The following ACOXL variants were observed in gnomAD, a reference collection of about 807,000 sequenced individuals.
The protein encoded by ACOXL is acyl-CoA oxidase like, also known as acyl-coenzyme A oxidase-like protein.
Under a neutral mutation model 71.9 loss-of-function variants are expected in ACOXL, and 70 were observed. That is an observed-to-expected ratio of 0.97 (90% CI 0.80 to 1.19). ACOXL has a LOEUF of 1.19. Among genes scored for constraint, ACOXL ranks in the 50% most tolerant of loss-of-function variants. The pLI is 0.00. For missense variants in ACOXL, 703 were observed against 736.3 expected, an observed-to-expected ratio of 0.95 and a Z score of 0.52; for synonymous variants, 253 against 281.6, an observed-to-expected ratio of 0.90 and a Z score of 1.02.
At chr2:111,049,866 G>GTA (rs759984654) in intron 16 of ACOXL, among the ~76,000 whole-genome samples, 16 of 147,756 alleles carry the variant, frequency 1.1e-4, no homozygotes, top group Non-Finnish European at 2.2e-4. Flanking sequence ...TTTCCAAATG[G>GTA]TATAACCTGC....
At chr2:110,743,779 G>T (rs1364271151) in intron 1 of ACOXL, among the ~76,000 whole-genome samples, 1 of 152,174 alleles carries the variant, frequency 6.6e-6, no homozygotes, top group Non-Finnish European at 1.5e-5. Context: ...CCCTTGTGGT[G>T]CCTTCCGGAG....
At chr2:110,774,164 C>T (rs917962773) in intron 2 of ACOXL, among the ~76,000 whole-genome samples, 5 of 152,118 alleles carry the variant, frequency 3.3e-5, no homozygotes, top group South Asian at 4.2e-4. Flanking sequence ...TGAGGTGATT[C>T]GTTCATTTTA....
At chr2:111,049,795 C>T (rs924846240) in intron 16 of ACOXL, among the ~76,000 whole-genome samples, 2 of 151,212 alleles carry the variant, frequency 1.3e-5, no homozygotes, top group African/African-American at 2.4e-5. Flanking sequence ...CTTCTTCCCC[C>T]CAACCCCCCG....
At position 110,882,302 on chromosome 2, in the gene ACOXL, T is replaced by TA. The variant is rs559883096; in HGVS notation, c.789-26479dup. Reference sequence around the variant, plus strand: ...TTATCTGTTCAAATCTTTCACCATTTAAAAAAAATTGGCTTTGTTTCATAT... The same window carrying TA: ...TTATCTGTTCAAATCTTTCACCATTTAAAAAAAAATTGGCTTTGTTTCATAT... On this transcript the variant is annotated intron_variant, in intron 10 of 17. Transcript: ENST00000439055. Among the ~76,000 whole-genome samples, 1,029 of 152,188 alleles carry TA rather than the reference T, an allele frequency of 6.8e-3. 13 individuals are homozygous for TA. The highest frequency in any genetic ancestry group is 0.023 in the African/African-American group (941 of 41,520).
intron 14 of ACOXL, among the ~76,000 whole-genome samples, chr2:111,009,465 G>T (rs1332920751): frequency 6.7e-6 from 1 of 148,298 alleles, no homozygotes; most frequent in East Asian, 2.0e-4. Context: ...AGTGAGCCAA[G>T]ATCACGCCAC....
Position 110,962,823 on chromosome 2 carries a change from G to A in ACOXL, c.1060-24285G>A, listed in dbSNP as rs1048923706. Among the ~76,000 whole-genome samples the A allele has an allele frequency of 3.9e-5, 6 of 152,350 alleles. No individual in the cohort carries two copies. The East Asian group carries it at 7.7e-4, about 20-fold the overall frequency. ...AAGTAACAGGACAGTCAGCTCTGAC[G>A]TGACTGACACAGGCAGAAGTGATTT... On this transcript the variant is annotated intron_variant, in intron 12 of 17. Coordinates refer to ENST00000439055, the MANE Select transcript of ACOXL (RefSeq NM_001142807.4).
chr2:110,874,628 G>C lies in ACOXL; in HGVS notation c.788+33223G>C, dbSNP rs79071894. Among the ~76,000 whole-genome samples, 54 of 152,238 alleles carry C rather than the reference G, an allele frequency of 3.5e-4. No individual in the cohort carries two copies. In the East Asian group the frequency reaches 5.4e-3, roughly 15 times the overall value. ...CTCCTTCAGCACAGGGGAGGGGAGT[G>C]GTTGCTAAAATAGTAATAATGGTGC... On this transcript the variant is annotated intron_variant, in intron 10 of 17. Transcript: ENST00000439055.
Position 110,801,715 on chromosome 2 carries a change from T to G in ACOXL, c.611T>G (p.Leu204Arg). Residue 204 changes from leucine (L) to arginine (R), a missense_variant, in exon 8 of 18, where the codon CTG (leucine) becomes CGG (arginine). Coordinates refer to ENST00000439055, the MANE Select transcript of ACOXL (RefSeq NM_001142807.4). ...FDKVRIPREN[L>R]LDKFGSVAPD... is the part of the protein sequence containing the mutation. Reference sequence around the variant, plus strand: ...AAGGTTCGGATACCCAGGGAGAACCTGCTGGATAAGTGAGTAGTTTCTCCT... The same window carrying G: ...AAGGTTCGGATACCCAGGGAGAACCGGCTGGATAAGTGAGTAGTTTCTCCT... 6.2e-7 allele frequency: 1 copy of G among 1,613,986 alleles called. No individual in the cohort carries two copies. Among genetic ancestry groups the G allele is most frequent in the Non-Finnish European group, 8.5e-7 (1 of 1,179,842 alleles).
intron 12 of ACOXL, among the ~76,000 whole-genome samples, chr2:110,985,900 G>T (rs947906201): frequency 6.6e-6 from 1 of 152,134 alleles, no homozygotes; most frequent in African/African-American, 2.4e-5. Flanking sequence ...AGCTTCCCCA[G>T]GCAAAAATGC....
At chr2:110,995,870 TG>T in intron 13 of ACOXL, 22 bp from the exon 14 acceptor site, 1 of 1,577,758 alleles carries the variant, frequency 6.3e-7, no homozygotes, top group Non-Finnish European at 8.7e-7. Flanking sequence ...ATAATAATGA[TG>T]GTCACCGTGA....
chr2:111,117,632 A>C lies in ACOXL; in HGVS notation c.1559A>C (p.Asp520Ala). 2 of 1,551,526 alleles carry C rather than the reference A, an allele frequency of 1.3e-6. No individual in the cohort carries two copies. The highest frequency in any genetic ancestry group is 2.4e-5 in the South Asian group (2 of 84,046). Residue 520 changes from aspartate to alanine, a missense_variant, in exon 18 of 18, where the codon GAC (aspartate) becomes GCC (alanine). By Grantham distance (126) the Asp-to-Ala change is moderately radical. Coordinates refer to ENST00000439055, the MANE Select transcript of ACOXL (RefSeq NM_001142807.4). ...GTTTTGCAGTTGCTGGATTTGTGCG[A>C]CTCGGTGAAGGATGATGCCCGGAGG... ...RIRNQLLDLC[D>A]SVKDDARRVI...
chr2:110,976,663 G>A (rs1005418945), intron 12 of ACOXL, among the ~76,000 whole-genome samples: 4 of 152,166 alleles, frequency 2.6e-5, no homozygotes, highest in African/African-American at 9.7e-5. Context: ...TGGTAGTGAC[G>A]TGACAAGCCC....
At chr2:111,116,111 T>C (rs533303273) in intron 17 of ACOXL, among the ~76,000 whole-genome samples, 184 of 152,242 alleles carry the variant, frequency 1.2e-3, no homozygotes, top group African/African-American at 3.6e-3. Context: ...CATATGACAA[T>C]ATGTGGAAAG....
intron 11 of ACOXL, among the ~76,000 whole-genome samples, chr2:110,932,177 C>G (rs952920096): frequency 2.4e-4 from 37 of 152,318 alleles, no homozygotes; most frequent in African/African-American, 8.2e-4. Flanking sequence ...CAAGACAACA[C>G]ACACTCTGCA....
chr2:110,737,364 G>A (rs1046457510), intron 1 of ACOXL, among the ~76,000 whole-genome samples: 1 of 152,150 alleles, frequency 6.6e-6, no homozygotes, highest in Non-Finnish European at 1.5e-5. Flanking sequence ...TATAGAAAAC[G>A]AATGTTTCTC....
At chr2:110,814,038 G>A (rs1687643934) in intron 9 of ACOXL, among the ~76,000 whole-genome samples, 1 of 152,202 alleles carries the variant, frequency 6.6e-6, no homozygotes, top group African/African-American at 2.4e-5. Context: ...ATGTTCTTGG[G>A]ATAAACTCTG....
intron 9 of ACOXL, among the ~76,000 whole-genome samples, chr2:110,840,090 A>C (rs1690970132): frequency 6.6e-6 from 1 of 152,096 alleles, no homozygotes; most frequent in Non-Finnish European, 1.5e-5. Context: ...CCCCAGGTTC[A>C]ATCGATTCTC....
chr2:110,803,760 CAT>C (rs1686280388), intron 8 of ACOXL, among the ~76,000 whole-genome samples: 1 of 152,046 alleles, frequency 6.6e-6, no homozygotes, highest in African/African-American at 2.4e-5. Context: ...ATTTGTAAGT[CAT>C]ATATATTAAT....
chr2:110,949,681 T>G (rs1171783640), intron 12 of ACOXL, among the ~76,000 whole-genome samples: 1 of 152,190 alleles, frequency 6.6e-6, no homozygotes, highest in African/African-American at 2.4e-5. Context: ...CCTGACATTC[T>G]CTTGAGTCCC....
Sources: gnomAD v4.1 joint callset for allele counts (sites outside exome capture counted in the v4.1 genomes callset) on GRCh38, gnomAD v4.1.1 for gene constraint, MANE v1.5 for transcripts, NCBI Gene and HGNC (gene_info 2026-07-23, HGNC 2026-07-21) for gene names.